The following CDKL5 variants were observed in gnomAD, a reference collection of about 807,000 sequenced individuals.
The protein encoded by CDKL5 is cyclin-dependent kinase-like 5.
Under a neutral mutation model 61.7 loss-of-function variants are expected in CDKL5, and 8 were observed. That is an observed-to-expected ratio of 0.13 (90% confidence interval 0.08 to 0.23). The LOEUF (loss-of-function observed/expected upper bound fraction) is 0.23, where lower values mean the gene tolerates loss of function less well. CDKL5 is among the 10% of genes least tolerant of loss of function. The pLI is 1.00. For missense variants in CDKL5, 440 were observed against 734.5 expected (o/e 0.60, Z 4.63); for synonymous variants, 275 against 272.3 (o/e 1.01, Z -0.10).
At chrX:18,545,829 T>C (rs1411520260) in intron 3 of CDKL5, among the ~76,000 whole-genome samples, 1 of 112,251 alleles carries the variant, frequency 8.9e-6, no homozygotes, top group Non-Finnish European at 1.9e-5. Context: ...CTGAGGCAGA[T>C]TTTTTTTCAA....
At chrX:18,427,937 T>G (rs1931402829) in intron 1 of CDKL5, among the ~76,000 whole-genome samples, 1 of 111,688 alleles carries the variant, frequency 9.0e-6, no homozygotes, top group South Asian at 3.7e-4. Flanking sequence ...GCATCTATTG[T>G]GTCCCCTGGG....
At position 18,604,259 on chromosome X, in the gene CDKL5, C is replaced by T; in HGVS notation, c.1335C>T (p.His445=). 2 of 1,212,103 alleles carry T rather than the reference C, an allele frequency of 1.7e-6. No individual in the cohort carries two copies. The highest frequency in any genetic ancestry group is 2.2e-6 in the Non-Finnish European group (2 of 895,607). Residue 445 remains histidine (H), a synonymous_variant, in exon 12 of 18, where the codon CAC becomes CAT. Transcript: ENST00000623535. ...ACAGCAGATCTCAGCAGAACCGCCA[C>T]TCATTCATGGAAAGCTCTCAAAGCA... ...KSNSRSQQNR[H]SFMESSQSKA...
At chrX:18,560,095 C>A (rs909985169) in intron 3 of CDKL5, among the ~76,000 whole-genome samples, 2 of 110,017 alleles carry the variant, frequency 1.8e-5, no homozygotes, top group East Asian at 2.9e-4. Flanking sequence ...AATAAACATA[C>A]GTGTGCATGT....
At position 18,632,587 on chromosome X, in the gene CDKL5, A is replaced by G. The variant is rs1927266782; in HGVS notation, c.*3830A>G. On this transcript the variant is annotated 3_prime_UTR_variant, in exon 18 of 18. Coordinates refer to ENST00000623535, the MANE Select transcript of CDKL5 (RefSeq NM_001323289.2). ...TATTGGTGGTTGTGATGTGGCTGTTATAGAAGTATTTGTGCTGTATGCTTT... is the reference window on the plus strand; with the variant it reads ...TATTGGTGGTTGTGATGTGGCTGTTGTAGAAGTATTTGTGCTGTATGCTTT... 1.3e-6 allele frequency: 1 copy of G among 754,767 alleles called. No homozygotes were observed. Among genetic ancestry groups the G allele is most frequent in the Middle Eastern group, 7.6e-4 (1 of 1,322 alleles). 62.2% of individuals were successfully genotyped at this position (754,767 alleles called of 1,213,427 possible).
chrX:18,436,172 C>T (rs1931605181), intron 1 of CDKL5, among the ~76,000 whole-genome samples: 1 of 111,181 alleles, frequency 9.0e-6, no homozygotes. Context: ...ACTTACTATT[C>T]ATTAAGAGGA....
chrX:18,543,424 G>C (rs1181681867), intron 3 of CDKL5, among the ~76,000 whole-genome samples: 1 of 110,102 alleles, frequency 9.1e-6, no homozygotes, highest in East Asian at 2.9e-4. Flanking sequence ...CCTATGCAGT[G>C]TGCCATCTTC....
intron 16 of CDKL5, among the ~76,000 whole-genome samples, chrX:18,621,598 A>C (rs1926891492): frequency 9.0e-6 from 1 of 110,946 alleles, no homozygotes. Flanking sequence ...TTTTAGTACG[A>C]TTTTGTATTC....
rs999711867 is a variant in CDKL5, at chrX:18,438,089, G to A, written c.-163+12394G>A. On this transcript the variant is annotated intron_variant, in intron 1 of 17. Coordinates refer to ENST00000623535, the MANE Select transcript of CDKL5 (RefSeq NM_001323289.2). Reference sequence around the variant, plus strand: ...TCTTTCTTTTCTTTTTTTTTGAGACGGAGTCTTGTTCTCTTGCCCATGCTG... The same window carrying A: ...TCTTTCTTTTCTTTTTTTTTGAGACAGAGTCTTGTTCTCTTGCCCATGCTG... Among the ~76,000 whole-genome samples, 3 of 110,657 alleles carry A rather than the reference G, an allele frequency of 2.7e-5. No homozygotes were observed. The Admixed American group carries it at 2.9e-4, about 11-fold the overall frequency.
intron 10 of CDKL5, among the ~76,000 whole-genome samples, chrX:18,595,729 T>G (rs1237338488): frequency 5.3e-5 from 6 of 112,235 alleles, no homozygotes; most frequent in Non-Finnish European, 1.1e-4. Flanking sequence ...TTAAAACAAA[T>G]CTTAAAATCA....
At chrX:18,542,583 C>A (rs1284409270) in intron 3 of CDKL5, among the ~76,000 whole-genome samples, 1 of 109,814 alleles carries the variant, frequency 9.1e-6, no homozygotes. Flanking sequence ...GCACCTGCTT[C>A]ATCTCAGTGT....
chrX:18,519,998 G>A (rs1380581256), intron 3 of CDKL5, among the ~76,000 whole-genome samples: 2 of 111,701 alleles, frequency 1.8e-5, no homozygotes, highest in Non-Finnish European at 3.8e-5. Context: ...ACTGGTGCTC[G>A]AATAGGTTAA....
At chrX:18,492,060 A>C (rs1241036683) in intron 1 of CDKL5, among the ~76,000 whole-genome samples, 1 of 111,181 alleles carries the variant, frequency 9.0e-6, no homozygotes, top group Non-Finnish European at 1.9e-5. Context: ...TTTAGTTTTG[A>C]AGGATTTTAT....
At chrX:18,430,516 T>C (rs1234452510) in intron 1 of CDKL5, among the ~76,000 whole-genome samples, 1 of 111,836 alleles carries the variant, frequency 8.9e-6, no homozygotes, top group Non-Finnish European at 1.9e-5. Context: ...TGATCTCGGC[T>C]CACTGCAACC....
chrX:18,426,893 C>T (rs908474738), intron 1 of CDKL5: 3 of 112,124 alleles, frequency 2.7e-5, no homozygotes, highest in Non-Finnish European at 5.6e-5. Context: ...AAAAAGACAT[C>T]TTCACCGAGG....
intron 1 of CDKL5, among the ~76,000 whole-genome samples, chrX:18,459,796 C>G (rs929814688): frequency 1.0e-5 from 1 of 98,272 alleles, no homozygotes; most frequent in Non-Finnish European, 2.0e-5. Context: ...CCTGTGCCTC[C>G]CGGGTTCAAG....
rs188299847 is a variant in CDKL5, at chrX:18,535,173, T to C, written c.99+24319T>C. The C allele has an allele frequency of 4.0e-3, 464 of 115,083 alleles. 2 individuals carry two copies. Among genetic ancestry groups the C allele is most frequent in the African/African-American group, 0.015 (451 of 30,983 alleles). 9.5% of individuals were successfully genotyped at this position (115,083 alleles called of 1,213,427 possible). On this transcript the variant is annotated intron_variant, in intron 3 of 17. Transcript: ENST00000623535. ...GTCCTTTTCATTTCCCCAATCCTGC[T>C]CCTGAGTACTGCAGTTGAGTCAGCC...
intron 15 of CDKL5, among the ~76,000 whole-genome samples, chrX:18,619,144 C>T (rs955894384): frequency 4.8e-5 from 5 of 105,097 alleles, no homozygotes; most frequent in African/African-American, 1.4e-4. Context: ...CTTTTCCCCC[C>T]GCCCCGTGAA....
chrX:18,599,586 T>G (rs963863607), intron 11 of CDKL5, among the ~76,000 whole-genome samples: 1 of 111,282 alleles, frequency 9.0e-6, no homozygotes, highest in Non-Finnish European at 1.9e-5. Context: ...CCTGAGTAGC[T>G]GGGACTATAG....
At chrX:18,608,063 A>G (rs1343703072) in intron 12 of CDKL5, among the ~76,000 whole-genome samples, 5 of 112,039 alleles carry the variant, frequency 4.5e-5, no homozygotes, top group Non-Finnish European at 1.9e-5. Context: ...TTCTTCCTTA[A>G]TCTTTTTTTC....
Sources: allele counts gnomAD v4.1 joint callset (sites outside exome capture counted in the v4.1 genomes callset), GRCh38; gene constraint gnomAD v4.1.1; transcripts MANE v1.5; gene names NCBI Gene and HGNC (gene_info 2026-07-23, HGNC 2026-07-21).